The following ZFHX4 variants were observed in gnomAD, a reference collection of about 807,000 sequenced individuals.
The protein encoded by ZFHX4 is zinc finger homeobox 4.
A neutral mutation model predicts 267.6 loss-of-function variants in ZFHX4; 56 were observed. That is an observed-to-expected ratio of 0.21 (90% CI 0.17 to 0.26). The LOEUF is 0.26. ZFHX4 is among the 10% of genes least tolerant of loss of function. ZFHX4 has a pLI of 1.00. For synonymous variants in ZFHX4, 1,778 were observed against 1,665.6 expected (o/e 1.07, Z -1.64); for missense variants, 4,332 against 4,420.0 (o/e 0.98, Z 0.56).
chr8:76,714,522 G>A (rs1405106497), intron 3 of ZFHX4, among the ~76,000 whole-genome samples: 2 of 152,138 alleles, frequency 1.3e-5, no homozygotes, highest in Non-Finnish European at 1.5e-5. Context: ...AAAGGTGAAG[G>A]ACAGGCATGG....
chr8:76,833,259 T>C, intron 4 of ZFHX4, 79 bp from the exon 5 acceptor site: 1 of 1,199,288 alleles, frequency 8.3e-7, no homozygotes, highest in Non-Finnish European at 1.2e-6. Flanking sequence ...TGCCAAATTT[T>C]GGGTTCTTGT....
intron 3 of ZFHX4, among the ~76,000 whole-genome samples, chr8:76,760,519 CTGTGAAAGAGGCA>C (rs1485931517): frequency 6.6e-6 from 1 of 151,998 alleles, no homozygotes; most frequent in Non-Finnish European, 1.5e-5. Flanking sequence ...ATGATACGTC[CTGTGAAAGAGGCA>C]TGCATTATGG....
intron 3 of ZFHX4, among the ~76,000 whole-genome samples, chr8:76,767,533 T>C (rs1810083118): frequency 1.3e-5 from 2 of 152,242 alleles, no homozygotes; most frequent in Middle Eastern, 3.4e-3. Context: ...CACACATATA[T>C]TGAAGATAGG....
In ZFHX4 at chr8:76,750,265, G is replaced by A. The variant is rs568434729; in HGVS notation, c.3094-27943G>A. Among the ~76,000 whole-genome samples the A allele has an allele frequency of 2.2e-4, 34 of 152,180 alleles. No homozygotes were observed. In the South Asian group the frequency reaches 6.9e-3, roughly 31 times the overall value. On this transcript the variant is annotated intron_variant, in intron 3 of 10. Coordinates refer to ENST00000651372, the MANE Select transcript of ZFHX4 (RefSeq NM_024721.5). ...GGGATGCCCTAAAATTGTATTGACTGTATATAAAGATTTACATTTGCTTTG... is the reference window on the plus strand; with the variant it reads ...GGGATGCCCTAAAATTGTATTGACTATATATAAAGATTTACATTTGCTTTG...
intron 3 of ZFHX4, among the ~76,000 whole-genome samples, chr8:76,752,487 C>CAAAAAAAAAAAAAA (rs144149879): frequency 9.9e-5 from 7 of 70,952 alleles, no homozygotes; most frequent in Admixed American, 1.9e-4. Context: ...ACCAAAAATC[C>CAAAAAAAAAAAAAA]AAAAAAAAAA....
intron 4 of ZFHX4, among the ~76,000 whole-genome samples, chr8:76,820,557 G>T (rs2131863320): frequency 6.6e-6 from 1 of 152,238 alleles, no homozygotes; most frequent in African/African-American, 2.4e-5. Flanking sequence ...GTACCAATTT[G>T]CCACACACTT....
chr8:76,866,132 G>T lies in ZFHX4; in HGVS notation c.*1567G>T, dbSNP rs571155055. 4 of 152,730 alleles carry T rather than the reference G, an allele frequency of 2.6e-5. No homozygotes were observed. In the East Asian group the frequency reaches 5.8e-4, roughly 22 times the overall value. 9.5% of individuals were successfully genotyped at this position (152,730 alleles called of 1,614,324 possible). A position where few individuals can be genotyped will look rare whatever the true frequency, so the allele number is the denominator to read the frequency against. On this transcript the variant is annotated 3_prime_UTR_variant, in exon 11 of 11. Coordinates refer to ENST00000651372, the MANE Select transcript of ZFHX4 (RefSeq NM_024721.5). ...GTGATTCATTCCAAAGTAACAGAAG[G>T]TTATTTGTAAGAAAGTTAAAGGCTT...
Position 76,851,269 on chromosome 8 carries a change from G to A in ZFHX4, c.4348G>A (p.Glu1450Lys), listed in dbSNP as rs1185430425. The A allele has an allele frequency of 6.2e-7, 1 of 1,613,792 alleles. No individual in the cohort carries two copies. Among genetic ancestry groups the A allele is most frequent in the South Asian group, 1.1e-5 (1 of 91,040 alleles). Reference sequence around the variant, plus strand: ...AAAACACTTGGAAGCAGGCCACCCTGAACTGAGTGAAGCTGAACTTCAACA... The same window carrying A: ...AAAACACTTGGAAGCAGGCCACCCTAAACTGAGTGAAGCTGAACTTCAACA... ...LKKHLEAGHP[E>K]LSEAELQQLY... The change falls in exon 10 of 11, where the codon GAA (glutamate) becomes AAA (lysine). Residue 1450 changes from glutamate (E) to lysine (K), a missense_variant. Physicochemically the swap from Glu to Lys is moderately conservative, Grantham distance 56. This residue lies in a region of ZFHX4 where 1,371 missense variants were observed against 1,423.1 expected (regional missense o/e 0.96). Transcript: ENST00000651372.
intron 8 of ZFHX4, 116 bp from the exon 9 acceptor site, chr8:76,850,129 C>T (rs577375227): frequency 1.3e-6 from 1 of 798,602 alleles, no homozygotes; most frequent in African/African-American, 1.7e-5. Flanking sequence ...GCAAAACATC[C>T]CTGCTTTGGC....
At chr8:76,793,592 T>G (rs539714353) in intron 4 of ZFHX4, among the ~76,000 whole-genome samples, 4 of 152,294 alleles carry the variant, frequency 2.6e-5, no homozygotes, top group Admixed American at 2.6e-4. Context: ...TTGGCTACTA[T>G]AAAAATGATT....
Position 76,853,525 on chromosome 8 carries a change from G to A in ZFHX4, c.6604G>A (p.Val2202Ile), listed in dbSNP as rs776418916. 2.5e-6 allele frequency: 4 copies of A among 1,613,834 alleles called. No individual in the cohort carries two copies. Among genetic ancestry groups the A allele is most frequent in the Non-Finnish European group, 3.4e-6 (4 of 1,179,858 alleles). Residue 2202 changes from valine (V) to isoleucine (I), a missense_variant, in exon 10 of 11, where the codon GTT (valine) becomes ATT (isoleucine). Physicochemically the swap from Val to Ile is conservative, Grantham distance 29. Around this residue, in one of 7 missense-constraint regions of ZFHX4, gnomAD observed 48 missense variants for 95.4 expected, o/e 0.50. Coordinates refer to ENST00000651372, the MANE Select transcript of ZFHX4 (RefSeq NM_024721.5). ...CAACTTCAGTAACCCTCCTATAACG[G>A]TTTTAGAAGATATCAGAATTGATCC... ...PYNFSNPPITVLEDIRIDPQP... is the reference protein window; with the variant it reads ...PYNFSNPPITILEDIRIDPQP...
chr8:76,747,791 G>A (rs1809499453), intron 3 of ZFHX4, among the ~76,000 whole-genome samples: 1 of 152,186 alleles, frequency 6.6e-6, no homozygotes, highest in Admixed American at 6.5e-5. Flanking sequence ...AATTAGCTGG[G>A]CGTGGTGGCA....
intron 10 of ZFHX4, among the ~76,000 whole-genome samples, chr8:76,859,832 G>T (rs1162230477): frequency 6.6e-6 from 1 of 151,972 alleles, no homozygotes; most frequent in Non-Finnish European, 1.5e-5. Flanking sequence ...AAGAAACTTG[G>T]AGAAAATGAA....
intron 3 of ZFHX4, among the ~76,000 whole-genome samples, chr8:76,740,546 C>CA (rs1486691060): frequency 1.3e-5 from 2 of 151,760 alleles, no homozygotes; most frequent in African/African-American, 4.8e-5. Context: ...AAGGAGAAAA[C>CA]ACCTTTAATG....
intron 3 of ZFHX4, among the ~76,000 whole-genome samples, chr8:76,734,024 G>C (rs1809092284): frequency 6.6e-6 from 1 of 152,096 alleles, no homozygotes; most frequent in Non-Finnish European, 1.5e-5. Flanking sequence ...ATCGGGACTT[G>C]TTTTTATTGG....
In ZFHX4 at chr8:76,706,080, G is replaced by A; in HGVS notation, c.1992G>A (p.Lys664=). 1.9e-6 allele frequency: 3 copies of A among 1,613,756 alleles called. No individual in the cohort carries two copies. The highest frequency in any genetic ancestry group is 1.7e-5 in the Admixed American group (1 of 59,992). ...KYQQTLEAHM[K]EKHPEPGGSC... ...AGCAGACCCTGGAGGCCCATATGAA[G>A]GAGAAACACCCTGAGCCGGGTGGCT... Residue 664 remains lysine (K), a synonymous_variant, in exon 2 of 11, where the codon AAG becomes AAA. Coordinates refer to ENST00000651372, the MANE Select transcript of ZFHX4 (RefSeq NM_024721.5).
chr8:76,852,591 C>G lies in ZFHX4; in HGVS notation c.5670C>G (p.Ser1890=). 6.2e-7 allele frequency: 1 copy of G among 1,612,010 alleles called. No individual in the cohort carries two copies. Among genetic ancestry groups the G allele is most frequent in the Non-Finnish European group, 8.5e-7 (1 of 1,178,876 alleles). ...KEGKDTKKQK[S]LEPSIPPPRI... is the part of the protein sequence containing the mutation. Reference sequence around the variant, plus strand: ...GCAAAGACACAAAGAAGCAAAAATCCTTGGAACCATCCATCCCACCACCCC... The same window carrying G: ...GCAAAGACACAAAGAAGCAAAAATCGTTGGAACCATCCATCCCACCACCCC... Residue 1890 remains serine (S), a synonymous_variant, in exon 10 of 11, where the codon TCC becomes TCG. Transcript: ENST00000651372.
intron 4 of ZFHX4, among the ~76,000 whole-genome samples, chr8:76,822,067 T>A (rs191941898): frequency 6.6e-6 from 1 of 152,176 alleles, no homozygotes; most frequent in East Asian, 1.9e-4. Flanking sequence ...TTGACACCTT[T>A]ACTTGCCTAT....
In ZFHX4 at chr8:76,821,516, T is replaced by G. The variant is rs534199904; in HGVS notation, c.3326-11822T>G. Among the ~76,000 whole-genome samples, 29 of 149,798 alleles carry G rather than the reference T, an allele frequency of 1.9e-4. No individual in the cohort carries two copies. The South Asian group carries it at 5.2e-3, about 27-fold the overall frequency. ...AGCTTTTAACAAGCTGACCTCTTCC[T>G]TCTTTCTGAGATTTTTTTTTTTTTT... On this transcript the variant is annotated intron_variant, in intron 4 of 10. Coordinates refer to ENST00000651372, the MANE Select transcript of ZFHX4 (RefSeq NM_024721.5).
Sources: allele counts gnomAD v4.1 joint callset (sites outside exome capture counted in the v4.1 genomes callset), GRCh38; gene constraint gnomAD v4.1.1; regional missense constraint gnomAD v4.1.1; transcripts MANE v1.5; gene names NCBI Gene and HGNC (gene_info 2026-07-23, HGNC 2026-07-21).